Variants in FILIP1L observed in about 807,000 individuals in gnomAD.
FILIP1L encodes the protein filamin A interacting protein 1 like, also known as filamin A-interacting protein 1-like.
A neutral mutation model predicts 96.6 loss-of-function variants in FILIP1L; 55 were observed. That is an observed-to-expected ratio of 0.57 (90% CI 0.46 to 0.71). FILIP1L has a LOEUF of 0.71. Ranked by LOEUF, FILIP1L falls within the 30% of genes least tolerant of loss-of-function variation. The pLI, the probability that FILIP1L is intolerant of heterozygous loss-of-function variation, is 0.00. For synonymous variants in FILIP1L, 467 were observed against 473.9 expected (o/e 0.99, Z 0.19); for missense variants, 1,304 against 1,321.2 (o/e 0.99, Z 0.20).
chr3:99,941,517 G>A (rs1416805436), intron 1 of FILIP1L, among the ~76,000 whole-genome samples: 2 of 152,300 alleles, frequency 1.3e-5, no homozygotes, highest in African/African-American at 4.8e-5. Flanking sequence ...ATATCAAATT[G>A]TGCCTATGCT....
chr3:100,111,904 C>T (rs1255550184), intron 1 of FILIP1L, among the ~76,000 whole-genome samples: 3 of 152,146 alleles, frequency 2.0e-5, no homozygotes, highest in Non-Finnish European at 4.4e-5. Context: ...CTATGTTGAA[C>T]AACATGCACA....
chr3:100,098,924 G>A (rs1337216653), intron 1 of FILIP1L, among the ~76,000 whole-genome samples: 2 of 152,188 alleles, frequency 1.3e-5, no homozygotes, highest in Non-Finnish European at 2.9e-5. Context: ...CTCAATTTGG[G>A]ATTATAAATA....
At chr3:99,988,591 A>G (rs1709423985) in intron 1 of FILIP1L, among the ~76,000 whole-genome samples, 2 of 151,876 alleles carry the variant, frequency 1.3e-5, no homozygotes, top group Non-Finnish European at 2.9e-5. Flanking sequence ...GGTTTCTCTT[A>G]TAAGAAAAAC....
rs561956358 is a variant in FILIP1L, at chr3:100,053,632, T to G, written c.-11+60421A>C. 2.6e-5 allele frequency among the ~76,000 whole-genome samples: 4 copies of G among 152,152 alleles called. No individual in the cohort carries two copies. In the South Asian group the frequency reaches 8.3e-4, roughly 32 times the overall value. ...TGCTAGGTGCATAAATTTGGGGGAG[T>G]GGGGAGAATGGGTATTCAACCTGGT... On this transcript the variant is annotated intron_variant, in intron 1 of 5. Transcript: ENST00000477258.
rs1479050771 is a variant in FILIP1L, at chr3:99,849,480, A to G, written c.2196T>C (p.Thr732=). ...LKEKIHEYMA[T]EDLICHLQGD... ...CCTGGAGGTGACATATTAGGTCTTC[A>G]GTTGCCATGTATTCATGAATTTTCT... The change falls in exon 5 of 6, where the codon ACT becomes ACC. Residue 732 remains threonine (T), a synonymous_variant. Coordinates refer to ENST00000477258, the MANE Select transcript of FILIP1L (RefSeq NM_001387850.1). 2 of 1,613,618 alleles carry G rather than the reference A, an allele frequency of 1.2e-6. No individual in the cohort carries two copies. The highest frequency in any genetic ancestry group is 1.7e-6 in the Non-Finnish European group (2 of 1,179,926).
At chr3:100,008,738 G>A (rs1710059871) in intron 1 of FILIP1L, among the ~76,000 whole-genome samples, 1 of 152,138 alleles carries the variant, frequency 6.6e-6, no homozygotes, top group Non-Finnish European at 1.5e-5. Context: ...TTCTCTTACT[G>A]TTATAAACTC....
chr3:99,852,690 T>C lies in FILIP1L; in HGVS notation c.606-1620A>G, dbSNP rs541989131. ...CGATCTCCTGACCTTGTGATCCACC[T>C]GCCTCGGCCTCCCAAAGTGCTGAGA... On this transcript the variant is annotated intron_variant, in intron 4 of 5. Transcript: ENST00000477258. Among the ~76,000 whole-genome samples the C allele has an allele frequency of 5.3e-5, 8 of 152,210 alleles. No individual in the cohort carries two copies. The East Asian group carries it at 1.5e-3, about 29-fold the overall frequency.
intron 4 of FILIP1L, among the ~76,000 whole-genome samples, chr3:99,919,500 G>A (rs1707057378): frequency 6.6e-6 from 1 of 150,850 alleles, no homozygotes; most frequent in African/African-American, 2.4e-5. Context: ...TTAATGAATG[G>A]CAAGTAGCAC....
rs538456609 is a variant in FILIP1L at position 99,849,012 on chromosome 3, T to G, written c.2664A>C (p.Gln888His). 1 of 1,614,162 alleles carries G rather than the reference T, an allele frequency of 6.2e-7. No individual in the cohort carries two copies. Among genetic ancestry groups the G allele is most frequent in the Admixed American group, 1.7e-5 (1 of 60,026 alleles). ...TGTGGCTTAGGACTAGATCTCCAGG[T>G]TGCACAAAGTTGGCATTGGGTTTAG... ...MQTKPNANFVQPGDLVLSHTP... is the reference protein window; with the variant it reads ...MQTKPNANFVHPGDLVLSHTP... Residue 888 changes from glutamine (Q) to histidine (H), a missense_variant, in exon 5 of 6, where the codon CAA becomes CAC. Physicochemically the swap from Gln to His is conservative, Grantham distance 24. Transcript: ENST00000477258.
intron 1 of FILIP1L, among the ~76,000 whole-genome samples, chr3:99,959,090 T>C (rs1708420925): frequency 1.3e-5 from 2 of 152,222 alleles, no homozygotes; most frequent in South Asian, 4.1e-4. Context: ...GATATGATGG[T>C]AATTTAAAAA....
intron 5 of FILIP1L, among the ~76,000 whole-genome samples, chr3:99,845,346 A>G (rs1206540222): frequency 6.6e-6 from 1 of 152,184 alleles, no homozygotes; most frequent in Non-Finnish European, 1.5e-5. Flanking sequence ...TTAAAGAGAT[A>G]GTGGGAATGT....
At chr3:100,047,973 A>G (rs1011918282) in intron 1 of FILIP1L, among the ~76,000 whole-genome samples, 2 of 152,184 alleles carry the variant, frequency 1.3e-5, no homozygotes, top group East Asian at 1.9e-4. Flanking sequence ...TGTCCCTCCT[A>G]TAGTGTAAAT....
intron 1 of FILIP1L, among the ~76,000 whole-genome samples, chr3:100,027,681 T>C (rs1415134495): frequency 6.6e-6 from 1 of 152,200 alleles, no homozygotes; most frequent in Non-Finnish European, 1.5e-5. Flanking sequence ...GTTGTGTGAA[T>C]TATTTCAGCC....
intron 1 of FILIP1L, among the ~76,000 whole-genome samples, chr3:100,033,265 G>C (rs887720549): frequency 3.3e-5 from 5 of 152,086 alleles, no homozygotes; most frequent in Admixed American, 1.3e-4. Flanking sequence ...TTCCAGGCAG[G>C]CTGCATCCTT....
intron 5 of FILIP1L, among the ~76,000 whole-genome samples, 181 bp from the exon 6 acceptor site, chr3:99,830,786 G>T (rs1192061688): frequency 6.6e-6 from 1 of 152,200 alleles, no homozygotes; most frequent in Non-Finnish European, 1.5e-5. Context: ...TCTGGTGTGT[G>T]TTGAATGTGT....
At chr3:100,084,979 TC>T (rs2065985048) in intron 1 of FILIP1L, among the ~76,000 whole-genome samples, 2 of 152,240 alleles carry the variant, frequency 1.3e-5, no homozygotes, top group South Asian at 4.1e-4. Context: ...TCTGTCCATG[TC>T]TTTAGCTTCA....
chr3:100,037,361 T>A (rs1393784178), intron 1 of FILIP1L, among the ~76,000 whole-genome samples: 1 of 152,012 alleles, frequency 6.6e-6, no homozygotes, highest in African/African-American at 2.4e-5. Flanking sequence ...TGAATATGGG[T>A]GAAGGGTAAA....
intron 1 of FILIP1L, chr3:100,109,977 T>TG (rs1384517946): frequency 7.9e-6 from 1 of 127,312 alleles, no homozygotes; most frequent in Admixed American, 1.0e-4. Context: ...CCCTTCAAAC[T>TG]GTTGGCAACC....
chr3:99,931,241 A>G (rs1439553100), intron 1 of FILIP1L, among the ~76,000 whole-genome samples: 2 of 152,194 alleles, frequency 1.3e-5, no homozygotes, highest in South Asian at 2.1e-4. Flanking sequence ...ATTTAAAAAA[A>G]GGTGTTCTGT....
Sources: allele counts gnomAD v4.1 joint callset (sites outside exome capture counted in the v4.1 genomes callset), GRCh38; gene constraint gnomAD v4.1.1; transcripts MANE v1.5; gene names NCBI Gene and HGNC (gene_info 2026-07-23, HGNC 2026-07-21).